ASCC2: variants seen among roughly 807,000 people sequenced by gnomAD.
The protein encoded by ASCC2 is ASC-1 complex subunit P100.
A neutral mutation model predicts 93.5 loss-of-function variants in ASCC2; 42 were observed. That is an observed-to-expected ratio of 0.45 (90% CI 0.35 to 0.58). ASCC2 has a LOEUF of 0.58. ASCC2 is among the 20% of genes least tolerant of loss of function. The pLI is 0.00. For synonymous variants in ASCC2, 364 were observed against 384.2 expected, an observed-to-expected ratio of 0.95 and a Z score of 0.62; for missense variants, 859 against 977.6, an observed-to-expected ratio of 0.88 and a Z score of 1.62.
intron 13 of ASCC2, 36 bp downstream of exon 13, chr22:29,804,602 C>A (rs754359271): frequency 3.1e-6 from 5 of 1,600,742 alleles, no homozygotes; most frequent in Middle Eastern, 1.7e-4. Context: ...CAAGGAGGGA[C>A]AAGCGAAGAG....
intron 8 of ASCC2, 58 bp downstream of exon 8, chr22:29,813,372 T>C (rs2060493347): frequency 8.3e-7 from 1 of 1,211,986 alleles, no homozygotes; most frequent in African/African-American, 1.5e-5. Flanking sequence ...AGTAAATATT[T>C]GTTAAATTAG....
chr22:29,790,588 T>C, intron 18 of ASCC2, 40 bp from the exon 19 acceptor site: 1 of 1,598,302 alleles, frequency 6.3e-7, no homozygotes, highest in Non-Finnish European at 8.6e-7. Flanking sequence ...AGTCAGGAGC[T>C]GCCACATTTT....
chr22:29,816,733 C>T (rs1484453286), intron 5 of ASCC2: 2 of 149,210 alleles, frequency 1.3e-5, no homozygotes, highest in Admixed American at 1.4e-4. Flanking sequence ...TGCGTAGGTT[C>T]GAGCATATGG....
rs745743287 is a variant in ASCC2 at position 29,814,786 on chromosome 22, G to A, written c.610-19C>T. On this transcript the variant is annotated intron_variant, in intron 6 of 19. Coordinates refer to ENST00000307790, the MANE Select transcript of ASCC2 (RefSeq NM_032204.5). ...TGAAGACCTGTGAAAGACAAGAACG[G>A]GCTCTCTCACATCATACTGAACCAG... 6.3e-7 allele frequency: 1 copy of A among 1,598,988 alleles called. No individual in the cohort carries two copies. The highest frequency in any genetic ancestry group is 1.1e-5 in the South Asian group (1 of 89,810).
chr22:29,793,419 G>A lies in ASCC2; in HGVS notation c.1860C>T (p.Tyr620=), dbSNP rs919592132. The A allele has an allele frequency of 1.3e-5, 21 of 1,613,976 alleles. No individual in the cohort carries two copies. Among genetic ancestry groups the A allele is most frequent in the East Asian group, 4.5e-5 (2 of 44,882 alleles). ...CATTGGCGCCCACCTGGTTGCCATCGTATGTGTCATCGTACTCATCCTCGT... is the reference window on the plus strand; with the variant it reads ...CATTGGCGCCCACCTGGTTGCCATCATATGTGTCATCGTACTCATCCTCGT... ...VYYEDEYDDT[Y]DGNQVGANDA... is the part of the protein sequence containing the mutation. Residue 620 remains tyrosine, a synonymous_variant, in exon 17 of 20, where the codon TAC becomes TAT. Transcript: ENST00000307790.
chr22:29,816,201 A>G (rs2060832087), intron 5 of ASCC2, 128 bp from the exon 6 acceptor site: 2 of 783,594 alleles, frequency 2.6e-6, no homozygotes, highest in East Asian at 2.7e-5. Flanking sequence ...ATCTGCAGCT[A>G]GGACCTAGGA....
At chr22:29,793,751 G>A in intron 15 of ASCC2, 75 bp from the exon 16 acceptor site, 1 of 1,389,090 alleles carries the variant, frequency 7.2e-7, no homozygotes, top group Non-Finnish European at 9.8e-7. Context: ...AGGGTCCAGA[G>A]ACCACAGGCT....
At chr22:29,837,243 G>C (rs141910519) in intron 1 of ASCC2, among the ~76,000 whole-genome samples, 1 of 147,620 alleles carries the variant, frequency 6.8e-6, no homozygotes, top group African/African-American at 2.5e-5. Context: ...ATCCTGGCTA[G>C]CAAGGTGAAA....
rs2062202305 is a variant in ASCC2, at chr22:29,825,626, C to T, written c.236G>A (p.Cys79Tyr). 1 of 1,614,216 alleles carries T rather than the reference C, an allele frequency of 6.2e-7. No homozygotes were observed. The highest frequency in any genetic ancestry group is 8.5e-7 in the Non-Finnish European group (1 of 1,180,044). Residue 79 changes from cysteine to tyrosine, a missense_variant, in exon 3 of 20, where the codon TGC (cysteine) becomes TAC (tyrosine). Transcript: ENST00000307790. The surrounding 1 kb of genome is among the most constrained non-coding windows in gnomAD (Gnocchi z 4.9). ...TTAATTTTGATAGAATGTTACCTGG[C>T]ACCAGAATTTATCGTGAGGCAAGGC... is the stretch of plus-strand genomic sequence containing the variant. ...LLALPHDKFWCQVIFDETLQK... is the reference protein window; with the variant it reads ...LLALPHDKFWYQVIFDETLQK...
chr22:29,833,556 T>A lies in ASCC2; in HGVS notation c.-17-1214A>T, dbSNP rs1449592599. The A allele has an allele frequency of 8.5e-6, 4 of 470,776 alleles. No homozygotes were observed. The East Asian group carries it at 2.8e-4, about 33-fold the overall frequency. 29.2% of individuals were successfully genotyped at this position (470,776 alleles called of 1,614,324 possible). On this transcript the variant is annotated intron_variant, in intron 1 of 19. Transcript: ENST00000307790. ...ACAAACTGACCTCACAGTCAGTGAG[T>A]GGCAGATCCAAGGTCTCCTGTCTTG... is the stretch of plus-strand genomic sequence containing the variant.
chr22:29,790,669 G>T, intron 18 of ASCC2, 121 bp from the exon 19 acceptor site: 1 of 1,015,686 alleles, frequency 9.8e-7, no homozygotes, highest in Non-Finnish European at 1.5e-6. Context: ...GGGGGAAGCT[G>T]CAGCCTGGCA....
intron 1 of ASCC2, among the ~76,000 whole-genome samples, chr22:29,836,035 G>A (rs76925843): frequency 0.13 from 19,148 of 151,860 alleles, 1,962 homozygotes; most frequent in African/African-American, 0.29. Context: ...GGTGGCTTCC[G>A]CCTGCAATCA....
chr22:29,792,636 G>A (rs1429351420), intron 17 of ASCC2, 101 bp from the exon 18 acceptor site: 7 of 1,487,226 alleles, frequency 4.7e-6, no homozygotes, highest in East Asian at 2.4e-5. Context: ...GCCGCCAGGA[G>A]GGCTCAGGAG....
Position 29,793,363 on chromosome 22 carries a change from C to T in ASCC2, c.1916G>A (p.Arg639His), listed in dbSNP as rs6006259. 42 of 1,613,420 alleles carry T rather than the reference C, an allele frequency of 2.6e-5. No individual in the cohort carries two copies. The highest frequency in any genetic ancestry group is 1.8e-4 in the South Asian group (16 of 91,086). ...DADSDDELIS[R>H]RPFTIPQVLR... Reference sequence around the variant, plus strand: ...GCCACCCCCACTATGGCCTCACCTGCGGCTGATGAGCTCGTCATCAGAGTC... The same window carrying T: ...GCCACCCCCACTATGGCCTCACCTGTGGCTGATGAGCTCGTCATCAGAGTC... The change falls in exon 17 of 20, where the codon CGC (arginine) becomes CAC (histidine). Residue 639 changes from arginine to histidine, a missense_variant. Arg to His is a conservative substitution (Grantham distance 29). Coordinates refer to ENST00000307790, the MANE Select transcript of ASCC2 (RefSeq NM_032204.5).
rs9306465 is a variant in ASCC2 at position 29,825,837 on chromosome 22, T to A, written c.82-57A>T. 0.37 allele frequency: 571,978 copies of A among 1,548,552 alleles called. 112,875 individuals carry two copies. The highest frequency in any genetic ancestry group is 0.64 in the East Asian group (28,481 of 44,224). On this transcript the variant is annotated intron_variant, in intron 2 of 19. Coordinates refer to ENST00000307790, the MANE Select transcript of ASCC2 (RefSeq NM_032204.5). This position sits in a 1 kb window ranked among gnomAD's most constrained non-coding sequence, Gnocchi z 4.9. Reference sequence around the variant, plus strand: ...CAGAGGTTAGTCAGCGAGGGCCCATTTGCCAACCCACAGCAATGACAACAC... The same window carrying A: ...CAGAGGTTAGTCAGCGAGGGCCCATATGCCAACCCACAGCAATGACAACAC...
At chr22:29,794,068 A>G (rs111608398) in intron 15 of ASCC2, among the ~76,000 whole-genome samples, 10,335 of 151,842 alleles carry the variant, frequency 0.068, 395 homozygotes, top group South Asian at 0.097. Flanking sequence ...TATTTTTATT[A>G]GAGATGGAGT....
At chr22:29,823,250 G>A (rs755917521) in intron 4 of ASCC2, among the ~76,000 whole-genome samples, 8 of 151,848 alleles carry the variant, frequency 5.3e-5, no homozygotes, top group East Asian at 1.9e-4. Flanking sequence ...TGTTGGCCAC[G>A]CTGGTCTCGA....
At position 29,788,881 on chromosome 22, in the gene ASCC2, C is replaced by T; in HGVS notation, c.*132G>A. 5 of 1,145,274 alleles carry T rather than the reference C, an allele frequency of 4.4e-6. No homozygotes were observed. The highest frequency in any genetic ancestry group is 2.7e-4 in the Middle Eastern group (1 of 3,664). The allele number at this position is 1,145,274 out of a possible 1,614,324, so 70.9% of individuals were successfully genotyped here. On this transcript the variant is annotated 3_prime_UTR_variant, in exon 20 of 20. Transcript: ENST00000307790. ...GCTGGTAGATGAGAGGCGGCCTTCT[C>T]AGGGGCTGCAAAGCTGAGGCTGTTG...
intron 5 of ASCC2, chr22:29,821,830 T>TA: frequency 2.9e-6 from 1 of 346,892 alleles, no homozygotes; most frequent in Non-Finnish European, 5.7e-6. Context: ...CCCCATCTAC[T>TA]AAAAAAAATT....
Sources: allele counts gnomAD v4.1 joint callset (sites outside exome capture counted in the v4.1 genomes callset), GRCh38; gene constraint gnomAD v4.1.1; non-coding constraint Gnocchi (gnomAD v3.1); transcripts MANE v1.5; gene names NCBI Gene and HGNC (gene_info 2026-07-23, HGNC 2026-07-21).